Variants in FANCA observed in about 807,000 individuals in gnomAD.
FANCA encodes Fanconi anemia group A protein.
In FANCA, 236 loss-of-function variants were observed where a neutral mutation model predicts 194.3. The ratio of observed to expected loss-of-function variants is 1.21; its 90% confidence interval spans 1.09 to 1.35. The LOEUF (loss-of-function observed/expected upper bound fraction) is 1.35. Ranked by LOEUF, FANCA falls within the 40% of genes most tolerant of loss-of-function variation. The probability of loss-of-function intolerance (pLI) is 0.00; values close to 1 mark genes in which losing one functional copy is unlikely to be tolerated. For synonymous variants in FANCA, 1,014 were observed against 715.8 expected (o/e 1.42, Z -6.65); for missense variants, 2,628 against 1,813.9 (o/e 1.45, Z -8.15).
intron 14 of FANCA, among the ~76,000 whole-genome samples, chr16:89,790,809 C>T (rs2040045220): frequency 6.6e-6 from 1 of 151,668 alleles, no homozygotes; most frequent in Admixed American, 6.6e-5. Context: ...TCTGTGTCCC[C>T]TCTTTCCTGA....
At chr16:89,777,043 C>A (rs1322820255) in intron 20 of FANCA, among the ~76,000 whole-genome samples, 2 of 152,052 alleles carry the variant, frequency 1.3e-5, no homozygotes, top group African/African-American at 4.8e-5. Flanking sequence ...AAATCCGTGT[C>A]CTCAAAGCAT....
Position 89,781,550 on chromosome 16 carries a change from C to A in FANCA, c.1626+1309G>T, listed in dbSNP as rs919534422. On this transcript the variant is annotated intron_variant, in intron 17 of 42. Transcript: ENST00000389301. ...AATTAGCTGGGTGTGGTGGCAGGTG[C>A]CTGTAGTCTGAGCTACTGGAGAGGC... 4.0e-5 allele frequency among the ~76,000 whole-genome samples: 6 copies of A among 149,784 alleles called. No homozygotes were observed. In the Admixed American group the frequency reaches 4.0e-4, roughly 10 times the overall value.
chr16:89,746,335 C>T (rs1239171075), intron 35 of FANCA, among the ~76,000 whole-genome samples: 1 of 152,144 alleles, frequency 6.6e-6, no homozygotes, highest in Non-Finnish European at 1.5e-5. Flanking sequence ...TGAGTGGGGT[C>T]CACAGGGGAG....
intron 38 of FANCA, 104 bp downstream of exon 38, chr16:89,740,700 G>C (rs931106231): frequency 7.9e-6 from 7 of 884,706 alleles, no homozygotes; most frequent in Admixed American, 2.0e-5. Flanking sequence ...AACACAAGGA[G>C]CTCCTGAGCT....
rs374841350 is a variant in FANCA, at chr16:89,749,699, G to A, written c.3239+31C>T. The stretch of plus-strand genomic sequence containing the variant: ...TGAGATGCTGCCCTGCCCAGGTGGT[G>A]CTGCCCTGCCCAGGTGGTAGTAGGT... On this transcript the variant is annotated intron_variant, in intron 32 of 42. Transcript: ENST00000389301. 8 of 1,601,306 alleles carry A rather than the reference G, an allele frequency of 5.0e-6. No individual in the cohort carries two copies. The East Asian group carries it at 1.4e-4, about 27-fold the overall frequency.
Position 89,745,025 on chromosome 16 carries a change from C to G in FANCA, c.3560G>C (p.Arg1187Thr). Residue 1187 changes from arginine to threonine, a missense_variant, in exon 36 of 43, where the codon AGA (arginine) becomes ACA (threonine). By Grantham distance (71) the Arg-to-Thr change is moderately conservative. Transcript: ENST00000389301. ...LEPVLLCRWR[R>T]HCQSPLPREL... is the part of the protein sequence containing the mutation. ...CCGGGGCAGCGGGCTCTGGCAGTGT[C>G]TCCTCCACCGGCAGAGCAGCACAGG... 1 of 1,610,578 alleles carries G rather than the reference C, an allele frequency of 6.2e-7. No individual in the cohort carries two copies. The highest frequency in any genetic ancestry group is 8.5e-7 in the Non-Finnish European group (1 of 1,179,840).
intron 14 of FANCA, among the ~76,000 whole-genome samples, chr16:89,785,243 G>A (rs1350549133): frequency 6.6e-6 from 1 of 152,228 alleles, no homozygotes; most frequent in Non-Finnish European, 1.5e-5. Flanking sequence ...TTTGACTGAA[G>A]AGATATCTAA....
At chr16:89,766,497 G>A (rs2039132268) in intron 27 of FANCA, among the ~76,000 whole-genome samples, 1 of 151,706 alleles carries the variant, frequency 6.6e-6, no homozygotes, top group Non-Finnish European at 1.5e-5. Context: ...ATCACTTGAG[G>A]TCAGGAGTTC....
intron 14 of FANCA, among the ~76,000 whole-genome samples, chr16:89,790,131 G>A (rs7200111): frequency 0.47 from 72,003 of 152,110 alleles, 19,831 homozygotes; most frequent in East Asian, 0.76. Context: ...GCTGGGCACG[G>A]TGGCTCATGC....
intron 23 of FANCA, 101 bp downstream of exon 23, chr16:89,771,577 C>A: frequency 7.2e-7 from 1 of 1,385,178 alleles, no homozygotes; most frequent in Non-Finnish European, 1.0e-6. Context: ...ACTAACTGAG[C>A]AAGTCAAACA....
intron 8 of FANCA, 113 bp from the exon 9 acceptor site, chr16:89,799,751 CA>C: frequency 1.1e-6 from 1 of 933,074 alleles, no homozygotes. Context: ...AACGGCACTT[CA>C]GGAGGCCGAG....
chr16:89,773,354 T>A lies in FANCA; in HGVS notation c.1931A>T (p.Asn644Ile). ...DAALGVRAEPNSAEEPLGQLT... is the reference protein window; with the variant it reads ...DAALGVRAEPISAEEPLGQLT... ...CTGTCCCAGGGGCTCCTCAGCAGAG[T>A]TGGGTTCTGCCCTCACTCCCAGGGC... The change falls in exon 22 of 43, where the codon AAC becomes ATC. Residue 644 changes from asparagine to isoleucine, a missense_variant. By Grantham distance (149) the Asn-to-Ile change is moderately radical. Coordinates refer to ENST00000389301, the MANE Select transcript of FANCA (RefSeq NM_000135.4). The A allele has an allele frequency of 6.4e-7, 1 of 1,551,488 alleles. No homozygotes were observed. Among genetic ancestry groups the A allele is most frequent in the Non-Finnish European group, 8.7e-7 (1 of 1,146,936 alleles).
intron 5 of FANCA, among the ~76,000 whole-genome samples, chr16:89,809,767 G>C (rs1266868437): frequency 6.6e-6 from 1 of 151,728 alleles, no homozygotes; most frequent in Non-Finnish European, 1.5e-5. Context: ...GCGGGAGAAT[G>C]GCGTGAACCC....
chr16:89,738,876 C>T lies in FANCA; in HGVS notation c.4260+6G>A, dbSNP rs374793201. On this transcript the variant is annotated splice_donor_region_variant and intron_variant, in intron 42 of 42. Transcript: ENST00000389301. ...ACATGGCCCAAGGTGGGCATCTTGACGTTACCTCTGCCACGTGTGAGAAGC... is the reference window on the plus strand; with the variant it reads ...ACATGGCCCAAGGTGGGCATCTTGATGTTACCTCTGCCACGTGTGAGAAGC... The T allele has an allele frequency of 1.9e-5, 31 of 1,614,126 alleles. No homozygotes were observed. In the East Asian group the frequency reaches 2.2e-4, roughly 12 times the overall value.
intron 23 of FANCA, 123 bp downstream of exon 23, chr16:89,771,555 A>G (rs2039326381): frequency 8.7e-7 from 1 of 1,149,212 alleles, no homozygotes; most frequent in African/African-American, 1.5e-5. Context: ...GCCCTGGAAC[A>G]TCTGATACGA....
chr16:89,784,924 T>C lies in FANCA; in HGVS notation c.1400A>G (p.Lys467Arg), dbSNP rs2143476944. 1.2e-6 allele frequency: 2 copies of C among 1,614,174 alleles called. No homozygotes were observed. Among genetic ancestry groups the C allele is most frequent in the East Asian group, 2.2e-5 (1 of 44,892 alleles). ...GSTRGYHGCS[K>R]KALVFLFTFL... is the part of the protein sequence containing the mutation. ...CGTAAACAGGAAGACCAGGGCCTTC[T>C]TGCTGCAGCCATGGTAGCCTCGTGT... The change falls in exon 15 of 43, where the codon AAG becomes AGG. Residue 467 changes from lysine to arginine, a missense_variant. Lys to Arg is a conservative substitution (Grantham distance 26, BLOSUM62 2). Coordinates refer to ENST00000389301, the MANE Select transcript of FANCA (RefSeq NM_000135.4).
chr16:89,815,601 C>T (rs1436258149), intron 2 of FANCA, among the ~76,000 whole-genome samples: 1 of 152,120 alleles, frequency 6.6e-6, no homozygotes, highest in Non-Finnish European at 1.5e-5. Context: ...AGTGATCCAC[C>T]CGCCTTGGCC....
intron 14 of FANCA, 28 bp from the exon 15 acceptor site, chr16:89,784,992 A>G (rs1243118389): frequency 1.9e-6 from 3 of 1,548,646 alleles, no homozygotes; most frequent in Non-Finnish European, 8.9e-7. Context: ...CGTGAAGCCC[A>G]GGACAGCCAG....
chr16:89,778,078 C>G lies in FANCA; in HGVS notation c.1826+723G>C, dbSNP rs556018886. ...TCAGGAGGCTGAGGCAGGAGAATTC[C>G]TTGAACCCAGGAGGTGGAGGGTGCA... On this transcript the variant is annotated intron_variant, in intron 20 of 42. Coordinates refer to ENST00000389301, the MANE Select transcript of FANCA (RefSeq NM_000135.4). Among the ~76,000 whole-genome samples, 318 of 147,128 alleles carry G rather than the reference C, an allele frequency of 2.2e-3. 4 individuals are homozygous for G. The highest frequency in any genetic ancestry group is 7.4e-3 in the African/African-American group (290 of 39,338).
Sources: gnomAD v4.1 joint callset for allele counts (sites outside exome capture counted in the v4.1 genomes callset) on GRCh38, gnomAD v4.1.1 for gene constraint, MANE v1.5 for transcripts, NCBI Gene and HGNC (gene_info 2026-07-23, HGNC 2026-07-21) for gene names.